Variants in IDE observed in about 807,000 individuals in gnomAD.
The protein encoded by IDE is insulin degrading enzyme.
IDE carries 58 observed loss-of-function variants against 133.2 expected under a neutral mutation model. The observed-to-expected ratio is 0.44, with a 90% CI of 0.35 to 0.54. The LOEUF is 0.54. Ranked by LOEUF, IDE falls within the 20% of genes least tolerant of loss-of-function variation. The pLI is 0.00. For missense variants in IDE, 981 were observed against 1,234.0 expected (o/e 0.79, Z 3.07); for synonymous variants, 396 against 421.3 (o/e 0.94, Z 0.73).
intron 1 of IDE, chr10:92,559,038 C>G (rs1300555634): frequency 6.6e-6 from 1 of 151,878 alleles, no homozygotes. Context: ...ACTCACTGGT[C>G]ATCAGGAAAA....
intron 5 of IDE, among the ~76,000 whole-genome samples, chr10:92,510,456 GATAGAGT>G (rs1157252282): frequency 6.6e-6 from 1 of 152,102 alleles, no homozygotes; most frequent in African/African-American, 2.4e-5. Flanking sequence ...ACTACTAGCA[GATAGAGT>G]ATAATGTTCA....
At chr10:92,478,800 GA>G in intron 15 of IDE, 1 of 1,197,242 alleles carries the variant, frequency 8.4e-7, no homozygotes, top group Non-Finnish European at 1.1e-6. Context: ...CTAACAAAAA[GA>G]AAAACAAAAG....
Position 92,470,345 on chromosome 10 carries a change from T to C in IDE, c.2117A>G (p.Asp706Gly). ...TKDELKEALD[D>G]VTLPRLKAFI... is the part of the protein sequence containing the mutation. ...GGCCTTAAGGCGAGGAAGGGTTACA[T>C]CTGCAAAGGTGTAAGAAGACATAGT... Residue 706 changes from aspartate (D) to glycine (G), a missense_variant and splice_region_variant, in exon 18 of 25, where the codon GAT becomes GGT. This residue lies in a region of IDE where 660 missense variants were observed against 894.7 expected (regional missense o/e 0.74). Coordinates refer to ENST00000265986, the MANE Select transcript of IDE (RefSeq NM_004969.4). 6.3e-7 allele frequency: 1 copy of C among 1,591,700 alleles called. No homozygotes were observed. The highest frequency in any genetic ancestry group is 8.6e-7 in the Non-Finnish European group (1 of 1,165,526).
intron 2 of IDE, among the ~76,000 whole-genome samples, chr10:92,536,966 A>G (rs1303488987): frequency 2.0e-5 from 3 of 151,508 alleles, no homozygotes; most frequent in Non-Finnish European, 4.4e-5. Flanking sequence ...TGAACCCAGG[A>G]GGCAGAGGTT....
In IDE at chr10:92,508,831, T is replaced by C; in HGVS notation, c.957A>G (p.Ile319Met). ...ATTTGTAGTATTTCTGAAGGTCAGGTATGGGAAATGTCACATAGAGATTCC... is the reference window on the plus strand; with the variant it reads ...ATTTGTAGTATTTCTGAAGGTCAGGCATGGGAAATGTCACATAGAGATTCC... Reference protein sequence around the residue: ...DIRNLYVTFPIPDLQKYYKSN... With the variant: ...DIRNLYVTFPMPDLQKYYKSN... The change falls in exon 7 of 25, where the codon ATA (isoleucine) becomes ATG (methionine). Residue 319 changes from isoleucine (I) to methionine (M), a missense_variant. Transcript: ENST00000265986. 6.2e-7 allele frequency: 1 copy of C among 1,613,092 alleles called. No individual in the cohort carries two copies. Among genetic ancestry groups the C allele is most frequent in the Non-Finnish European group, 8.5e-7 (1 of 1,179,020 alleles).
chr10:92,513,517 G>T (rs1454056852), intron 5 of IDE, among the ~76,000 whole-genome samples: 1 of 152,092 alleles, frequency 6.6e-6, no homozygotes, highest in Admixed American at 6.5e-5. Flanking sequence ...TAAAAATTTT[G>T]TGGGGGGGAT....
intron 19 of IDE, among the ~76,000 whole-genome samples, chr10:92,466,252 A>G (rs112264886): frequency 0.032 from 4,348 of 134,270 alleles, 108 homozygotes; most frequent in Admixed American, 0.054. Flanking sequence ...AAAAAAAAAA[A>G]GCAGAGAGAG....
intron 1 of IDE, 32 bp downstream of exon 1, chr10:92,573,890 G>A: frequency 7.1e-7 from 1 of 1,406,582 alleles, no homozygotes; most frequent in Non-Finnish European, 9.3e-7. Flanking sequence ...GACCCACGGG[G>A]CCCGAGGGCC....
At chr10:92,545,014 G>A (rs2135732743) in intron 1 of IDE, among the ~76,000 whole-genome samples, 2 of 152,252 alleles carry the variant, frequency 1.3e-5, no homozygotes, top group East Asian at 3.9e-4. Context: ...CTTGGTAGCT[G>A]CAGAAAAGTA....
rs1208692551 is a variant in IDE at position 92,453,686 on chromosome 10, T to C, written c.*758A>G. The C allele has an allele frequency of 2.0e-5, 3 of 152,178 alleles. No individual in the cohort carries two copies. The highest frequency in any genetic ancestry group is 1.9e-4 in the East Asian group (1 of 5,194). 9.4% of individuals were successfully genotyped at this position (152,178 alleles called of 1,614,324 possible). ...AAAGCAATATGTTGATGAGGAAAAG[T>C]AAAACTCATGGAACACTGCAAACCA... is the stretch of plus-strand genomic sequence containing the variant. On this transcript the variant is annotated 3_prime_UTR_variant, in exon 25 of 25. Coordinates refer to ENST00000265986, the MANE Select transcript of IDE (RefSeq NM_004969.4).
intron 15 of IDE, chr10:92,478,696 T>C: frequency 7.8e-7 from 1 of 1,280,966 alleles, no homozygotes; most frequent in Non-Finnish European, 1.0e-6. Context: ...CTGAGAGGCG[T>C]GCTGCATATG....
Position 92,490,603 on chromosome 10 carries a change from T to C in IDE, c.1431-8A>G, listed in dbSNP as rs376344803. On this transcript the variant is annotated splice_region_variant and splice_polypyrimidine_tract_variant and intron_variant, in intron 11 of 24. Coordinates refer to ENST00000265986, the MANE Select transcript of IDE (RefSeq NM_004969.4). ...TTAGAAACTATGGCAACCCTAGAGA[T>C]AGAAAAAACAAACAAAAAAACCCTG... The C allele has an allele frequency of 2.6e-6, 4 of 1,564,872 alleles. No individual in the cohort carries two copies. The highest frequency in any genetic ancestry group is 3.5e-6 in the Non-Finnish European group (4 of 1,139,506).
intron 11 of IDE, among the ~76,000 whole-genome samples, chr10:92,499,780 C>T (rs190907915): frequency 1.3e-5 from 2 of 152,120 alleles, no homozygotes; most frequent in Admixed American, 6.6e-5. Flanking sequence ...TCTGAGAAAT[C>T]TTTGCCTATC....
At chr10:92,511,342 A>G (rs2135554355) in intron 5 of IDE, among the ~76,000 whole-genome samples, 1 of 152,166 alleles carries the variant, frequency 6.6e-6, no homozygotes, top group Admixed American at 6.5e-5. Context: ...AGCTCAAGTG[A>G]TCTGCCTACC....
intron 11 of IDE, among the ~76,000 whole-genome samples, chr10:92,501,147 C>A (rs954884113): frequency 6.7e-6 from 1 of 150,278 alleles, no homozygotes; most frequent in African/African-American, 2.4e-5. Flanking sequence ...ATCATTTGAG[C>A]TCAGGAGTTC....
At position 92,465,737 on chromosome 10, in the gene IDE, C is replaced by T. The variant is rs1412789918; in HGVS notation, c.2427G>A (p.Glu809=). The T allele has an allele frequency of 6.2e-7, 1 of 1,614,084 alleles. No homozygotes were observed. The highest frequency in any genetic ancestry group is 1.1e-5 in the South Asian group (1 of 91,074). The change falls in exon 20 of 25, where the codon GAG becomes GAA. Residue 809 remains glutamate (E), a synonymous_variant. Coordinates refer to ENST00000265986, the MANE Select transcript of IDE (RefSeq NM_004969.4). ...GTTCCGAGATAATCTGACAGAAGAG[C>T]TCCAGAAACATATTCTCTGAGGTGC... ...MQSTSENMFL[E]LFCQIISEPC...
At chr10:92,495,460 C>A (rs555761512) in intron 11 of IDE, among the ~76,000 whole-genome samples, 66 of 152,008 alleles carry the variant, frequency 4.3e-4, no homozygotes, top group Non-Finnish European at 8.7e-4. Context: ...ACCTTGTGAT[C>A]CGCCCACCTC....
chr10:92,562,423 T>C (rs891869610), intron 1 of IDE, among the ~76,000 whole-genome samples: 2 of 152,194 alleles, frequency 1.3e-5, no homozygotes, highest in African/African-American at 4.8e-5. Context: ...AAAAGACTCA[T>C]GCAAACTAAC....
chr10:92,528,992 G>A (rs754827343), intron 4 of IDE, among the ~76,000 whole-genome samples: 7 of 152,084 alleles, frequency 4.6e-5, no homozygotes, highest in Non-Finnish European at 7.4e-5. Context: ...CAGGAGAATC[G>A]CTTGAACCTG....
Sources: allele counts gnomAD v4.1 joint callset (sites outside exome capture counted in the v4.1 genomes callset), GRCh38; gene constraint gnomAD v4.1.1; regional missense constraint gnomAD v4.1.1; transcripts MANE v1.5; gene names NCBI Gene and HGNC (gene_info 2026-07-23, HGNC 2026-07-21).